The following SBF2 variants were observed in gnomAD, a reference collection of about 807,000 sequenced individuals.
SBF2 encodes the protein SET binding factor 2, also known as myotubularin-related protein 13.
Under a neutral mutation model 225.2 loss-of-function variants are expected in SBF2, and 112 were observed. The ratio of observed to expected loss-of-function variants is 0.50; its 90% CI spans 0.43 to 0.58. The LOEUF is 0.58. Ranked by LOEUF, SBF2 falls within the 20% of genes least tolerant of loss-of-function variation. SBF2 has a pLI of 0.00. For synonymous variants in SBF2, 763 were observed against 773.3 expected (o/e 0.99, Z 0.22); for missense variants, 1,996 against 2,206.2 (o/e 0.90, Z 1.91).
intron 2 of SBF2, among the ~76,000 whole-genome samples, chr11:10,131,794 C>A (rs1180593125): frequency 6.6e-6 from 1 of 152,106 alleles, no homozygotes; most frequent in Non-Finnish European, 1.5e-5. Context: ...TGGTGGTTTG[C>A]CAATATTTTA....
intron 16 of SBF2, chr11:9,959,868 C>T (rs1273986198): frequency 3.0e-5 from 14 of 472,160 alleles, no homozygotes; most frequent in South Asian, 9.0e-5. Flanking sequence ...GGAGGGGAGG[C>T]CACTGTGCGC....
At chr11:10,113,945 A>G (rs895653306) in intron 2 of SBF2, among the ~76,000 whole-genome samples, 3 of 151,802 alleles carry the variant, frequency 2.0e-5, no homozygotes, top group African/African-American at 7.2e-5. Context: ...CAAAGCTGCT[A>G]TTATAATTTT....
At chr11:10,034,909 T>C (rs2134650310) in intron 3 of SBF2, among the ~76,000 whole-genome samples, 1 of 152,300 alleles carries the variant, frequency 6.6e-6, no homozygotes, top group East Asian at 1.9e-4. Flanking sequence ...AGTTGACATG[T>C]CTACATGATC....
intron 17 of SBF2, among the ~76,000 whole-genome samples, chr11:9,878,445 G>A (rs1373810606): frequency 6.6e-6 from 1 of 152,110 alleles, no homozygotes; most frequent in African/African-American, 2.4e-5. Context: ...TGCTTTTGGT[G>A]TTTTAGTCAT....
At chr11:10,115,639 A>C (rs1023132146) in intron 2 of SBF2, among the ~76,000 whole-genome samples, 1 of 152,108 alleles carries the variant, frequency 6.6e-6, no homozygotes, top group Non-Finnish European at 1.5e-5. Context: ...CACCTATTTT[A>C]CTTCTTCAAT....
intron 1 of SBF2, 147 bp downstream of exon 1, chr11:10,293,868 G>C (rs1964335852): frequency 2.0e-6 from 1 of 488,364 alleles, no homozygotes; most frequent in African/African-American, 2.0e-5. Flanking sequence ...CAGCCCAGCC[G>C]AGAAGGCCGG....
At chr11:9,905,338 C>T (rs974199624) in intron 16 of SBF2, among the ~76,000 whole-genome samples, 1 of 152,122 alleles carries the variant, frequency 6.6e-6, no homozygotes, top group Admixed American at 6.5e-5. Context: ...GAGTGATATG[C>T]CTTTTTGAAT....
chr11:10,192,492 G>C (rs1332200204), intron 2 of SBF2, among the ~76,000 whole-genome samples: 1 of 152,154 alleles, frequency 6.6e-6, no homozygotes, highest in East Asian at 1.9e-4. Context: ...ATGAACAATT[G>C]TTCCTGTGGG....
intron 26 of SBF2, among the ~76,000 whole-genome samples, chr11:9,832,805 C>T (rs1446217869): frequency 6.6e-6 from 1 of 152,122 alleles, no homozygotes; most frequent in Admixed American, 6.5e-5. Context: ...GAAGAAAATC[C>T]CTAGATGGTG....
intron 1 of SBF2, among the ~76,000 whole-genome samples, chr11:10,266,318 T>C (rs918856342): frequency 3.3e-5 from 5 of 152,130 alleles, no homozygotes; most frequent in African/African-American, 1.2e-4. Flanking sequence ...AGGACACTAT[T>C]TGTGCAATTA....
At chr11:10,193,747 G>C (rs1957269014) in intron 2 of SBF2, among the ~76,000 whole-genome samples, 155 bp downstream of exon 2, 1 of 152,082 alleles carries the variant, frequency 6.6e-6, no homozygotes, top group Non-Finnish European at 1.5e-5. Context: ...CCGTACTTGA[G>C]GGACTAGGAG....
chr11:10,052,660 T>C (rs1950103094), intron 2 of SBF2, among the ~76,000 whole-genome samples: 1 of 152,180 alleles, frequency 6.6e-6, no homozygotes, highest in Admixed American at 6.6e-5. Flanking sequence ...AAATAGGCCA[T>C]CCATCTGCAA....
rs999866242 is a variant in SBF2 at position 9,959,182 on chromosome 11, C to A, written c.1860+2775G>T. On this transcript the variant is annotated intron_variant, in intron 16 of 39. Transcript: ENST00000256190. ...ATGATCTTCCATGCTGATTCCTTCA[C>A]AGGGTCCGATTTGGAATTTCCACTG... The A allele has an allele frequency of 1.9e-5, 15 of 806,718 alleles. No individual in the cohort carries two copies. In the African/African-American group the frequency reaches 2.3e-4, roughly 13 times the overall value. The allele number at this position is 806,718 out of a possible 1,614,324, so 50.0% of individuals were successfully genotyped here.
At chr11:10,262,986 C>G (rs1961589942) in intron 1 of SBF2, among the ~76,000 whole-genome samples, 1 of 151,930 alleles carries the variant, frequency 6.6e-6, no homozygotes, top group Non-Finnish European at 1.5e-5. Flanking sequence ...TAATGACATT[C>G]TTTAAAATTA....
chr11:10,042,781 T>G, intron 3 of SBF2, 63 bp downstream of exon 3: 4 of 1,559,652 alleles, frequency 2.6e-6, no homozygotes, highest in Non-Finnish European at 3.5e-6. Context: ...AAATATGGCA[T>G]ATAAAAAACA....
At chr11:10,112,997 G>C (rs1326858535) in intron 2 of SBF2, among the ~76,000 whole-genome samples, 1 of 151,930 alleles carries the variant, frequency 6.6e-6, no homozygotes, top group South Asian at 2.1e-4. Context: ...TATTTTATTT[G>C]TTGTTGTTGT....
chr11:10,301,707 T>G (rs1396041615), intron 1 of SBF2, among the ~76,000 whole-genome samples: 1 of 152,226 alleles, frequency 6.6e-6, no homozygotes, highest in African/African-American at 2.4e-5. Context: ...CTTTAAGAAC[T>G]GTGTCCACAG....
At chr11:9,863,292 A>C (rs1278631667) in intron 17 of SBF2, among the ~76,000 whole-genome samples, 1 of 152,214 alleles carries the variant, frequency 6.6e-6, no homozygotes, top group Non-Finnish European at 1.5e-5. Context: ...TATCAGCATG[A>C]GGGGCCTGTT....
At chr11:10,215,985 C>T (rs1958115766) in intron 1 of SBF2, among the ~76,000 whole-genome samples, 1 of 152,164 alleles carries the variant, frequency 6.6e-6, no homozygotes, top group Non-Finnish European at 1.5e-5. Context: ...GTATACTGTC[C>T]CTTCTGTGGA....
Sources: allele counts gnomAD v4.1 joint callset (sites outside exome capture counted in the v4.1 genomes callset), GRCh38; gene constraint gnomAD v4.1.1; transcripts MANE v1.5; gene names NCBI Gene and HGNC (gene_info 2026-07-23, HGNC 2026-07-21).